The following THAP4 variants were observed in gnomAD, a reference collection of about 807,000 sequenced individuals.
The protein encoded by THAP4 is peroxynitrite isomerase THAP4.
In THAP4, 18 loss-of-function variants were observed where a neutral mutation model predicts 48.1. The observed-to-expected ratio is 0.37, with a 90% CI of 0.26 to 0.56. THAP4 has a LOEUF of 0.56. Among genes scored for constraint, THAP4 ranks in the 20% least tolerant of loss-of-function variants. The pLI, the probability that THAP4 is intolerant of heterozygous loss-of-function variation, is 0.78. For missense variants in THAP4, 656 were observed against 774.9 expected, an observed-to-expected ratio of 0.85 and a Z score of 1.82; for synonymous variants, 345 against 324.9, an observed-to-expected ratio of 1.06 and a Z score of -0.66.
chr2:241,610,253 G>A lies in THAP4; in HGVS notation c.1241-3780C>T, dbSNP rs537181041. On this transcript the variant is annotated intron_variant, in intron 2 of 5. Coordinates refer to ENST00000407315, the MANE Select transcript of THAP4 (RefSeq NM_015963.6). The surrounding 1 kb of genome is among the most constrained non-coding windows in gnomAD (Gnocchi z 4.2). ...GCAAGTCCTGCCTCTGCTCCCGGGCGGCCCCCTCCAGCCTCCGCCGGCCCC... is the reference window on the plus strand; with the variant it reads ...GCAAGTCCTGCCTCTGCTCCCGGGCAGCCCCCTCCAGCCTCCGCCGGCCCC... Among the ~76,000 whole-genome samples the A allele has an allele frequency of 2.0e-5, 3 of 152,284 alleles. No individual in the cohort carries two copies. The highest frequency in any genetic ancestry group is 1.9e-4 in the East Asian group (1 of 5,180).
At chr2:241,615,582 G>A (rs572783419) in intron 2 of THAP4, among the ~76,000 whole-genome samples, 7 of 152,280 alleles carry the variant, frequency 4.6e-5, no homozygotes, top group South Asian at 2.1e-4. Flanking sequence ...CTAATATTTC[G>A]AGAAAAGCCA....
intron 2 of THAP4, among the ~76,000 whole-genome samples, chr2:241,632,401 C>T (rs1333153019): frequency 6.6e-6 from 1 of 152,068 alleles, no homozygotes; most frequent in African/African-American, 2.4e-5. Flanking sequence ...AGTCCAGCCT[C>T]AACAGATGTT....
At chr2:241,615,555 C>T (rs1255964272) in intron 2 of THAP4, among the ~76,000 whole-genome samples, 1 of 152,198 alleles carries the variant, frequency 6.6e-6, no homozygotes, top group African/African-American at 2.4e-5. Flanking sequence ...ATCCAAGCTG[C>T]AGCACCTACT....
chr2:241,633,545 G>A lies in THAP4; in HGVS notation c.612C>T (p.Ser204=). ...TATCTGTCACGCCCCCTTCGATGGA[G>A]GAAGTGGCGCTCTCATCGCCAGCAT... The part of the protein sequence containing the change: ...ATDAGDESAT[S]SIEGGVTDKS... Residue 204 remains serine, a synonymous_variant, in exon 2 of 6, where the codon TCC becomes TCT. Coordinates refer to ENST00000407315, the MANE Select transcript of THAP4 (RefSeq NM_015963.6). This position sits in a 1 kb window ranked among gnomAD's most constrained non-coding sequence, Gnocchi z 7.5. 1.2e-6 allele frequency: 2 copies of A among 1,614,018 alleles called. No individual in the cohort carries two copies. The highest frequency in any genetic ancestry group is 8.5e-7 in the Non-Finnish European group (1 of 1,179,964).
chr2:241,630,015 G>A (rs1017824075), intron 2 of THAP4, among the ~76,000 whole-genome samples: 3 of 152,176 alleles, frequency 2.0e-5, no homozygotes, highest in Admixed American at 2.0e-4. Context: ...AAGGGACTGT[G>A]TTAGCCACAG....
chr2:241,604,516 G>A (rs992978111), intron 3 of THAP4, among the ~76,000 whole-genome samples: 1 of 151,992 alleles, frequency 6.6e-6, no homozygotes, highest in Non-Finnish European at 1.5e-5. Context: ...CTCTCAAAGT[G>A]CTGGGATTAC....
At chr2:241,605,604 G>GT (rs2067172662) in intron 3 of THAP4, among the ~76,000 whole-genome samples, 1 of 152,102 alleles carries the variant, frequency 6.6e-6, no homozygotes, top group East Asian at 1.9e-4. Context: ...TTCTTGTACG[G>GT]TAAGAATATG....
chr2:241,605,853 G>T (rs2067176422), intron 3 of THAP4, among the ~76,000 whole-genome samples: 1 of 151,916 alleles, frequency 6.6e-6, no homozygotes, highest in Non-Finnish European at 1.5e-5. Flanking sequence ...GAGTAGCTGG[G>T]ACTACAGGCA....
At chr2:241,627,514 T>G (rs942242000) in intron 2 of THAP4, among the ~76,000 whole-genome samples, 1 of 152,340 alleles carries the variant, frequency 6.6e-6, no homozygotes, top group East Asian at 1.9e-4. Flanking sequence ...CACCGGGCAC[T>G]GCCTCTGGAG....
chr2:241,601,746 G>T lies in THAP4; in HGVS notation c.1614+150C>A. 6.9e-7 allele frequency: 1 copy of T among 1,443,414 alleles called. No homozygotes were observed. Among genetic ancestry groups the T allele is most frequent in the South Asian group, 1.3e-5 (1 of 78,348 alleles). The allele number at this position is 1,443,414 out of a possible 1,614,324, so 89.4% of individuals were successfully genotyped here. ...ATTTAGGGAACATCCACCCTGGATG[G>T]TCCGAGAAGGGAAAAGAAGGAGACA... On this transcript the variant is annotated intron_variant, in intron 5 of 5. Transcript: ENST00000407315. This position sits in a 1 kb window ranked among gnomAD's most constrained non-coding sequence, Gnocchi z 4.0.
Position 241,601,792 on chromosome 2 carries a change from C to A in THAP4, c.1614+104G>T. Reference sequence around the variant, plus strand: ...AGACAGTGAAGACAGGCCTGTGAGACACAGTGGCAAGACACGCACTACCTC... The same window carrying A: ...AGACAGTGAAGACAGGCCTGTGAGAAACAGTGGCAAGACACGCACTACCTC... On this transcript the variant is annotated intron_variant, in intron 5 of 5. Transcript: ENST00000407315. The surrounding 1 kb of genome is among the most constrained non-coding windows in gnomAD (Gnocchi z 4.0). The A allele has an allele frequency of 6.4e-7, 1 of 1,553,768 alleles. No individual in the cohort carries two copies. The highest frequency in any genetic ancestry group is 8.7e-7 in the Non-Finnish European group (1 of 1,146,106).
At chr2:241,604,029 T>C (rs1417879968) in intron 3 of THAP4, among the ~76,000 whole-genome samples, 1 of 151,862 alleles carries the variant, frequency 6.6e-6, no homozygotes, top group Non-Finnish European at 1.5e-5. Flanking sequence ...AAAAGCCTCA[T>C]TTATCATTTC....
At chr2:241,602,767 C>A (rs2067130705) in intron 4 of THAP4, among the ~76,000 whole-genome samples, 1 of 152,258 alleles carries the variant, frequency 6.6e-6, no homozygotes, top group African/African-American at 2.4e-5. Context: ...TGCACGCACA[C>A]AACCTGTGTG....
At position 241,630,616 on chromosome 2, in the gene THAP4, C is replaced by T. The variant is rs1255825502; in HGVS notation, c.1240+2301G>A. 2.0e-5 allele frequency among the ~76,000 whole-genome samples: 3 copies of T among 152,076 alleles called. No homozygotes were observed. The East Asian group carries it at 5.8e-4, about 29-fold the overall frequency. ...CAACATGGAGAAACCACTGTCTCTA[C>T]TAAAAATACAAAATTAGCTGGGTGT... On this transcript the variant is annotated intron_variant, in intron 2 of 5. Coordinates refer to ENST00000407315, the MANE Select transcript of THAP4 (RefSeq NM_015963.6).
Position 241,633,076 on chromosome 2 carries a change from A to G in THAP4, c.1081T>C (p.Cys361Arg), listed in dbSNP as rs750003446. Reference protein sequence around the residue: ...SSRQNKSQVCCLREQVEKKNG... With the variant: ...SSRQNKSQVCRLREQVEKKNG... The stretch of plus-strand genomic sequence containing the variant: ...TTCTTCTCCACCTGCTCCCGCAGGC[A>G]GCACACCTGGCTCTTGTTCTGCCGG... The change falls in exon 2 of 6, where the codon TGC becomes CGC. Residue 361 changes from cysteine to arginine, a missense_variant. Coordinates refer to ENST00000407315, the MANE Select transcript of THAP4 (RefSeq NM_015963.6). This position sits in a 1 kb window ranked among gnomAD's most constrained non-coding sequence, Gnocchi z 7.5. 6.2e-7 allele frequency: 1 copy of G among 1,614,012 alleles called. No homozygotes were observed. The highest frequency in any genetic ancestry group is 8.5e-7 in the Non-Finnish European group (1 of 1,180,020).
At chr2:241,606,238 G>A in intron 3 of THAP4, 76 bp downstream of exon 3, 2 of 1,357,246 alleles carry the variant, frequency 1.5e-6, no homozygotes, top group African/African-American at 1.5e-5. Context: ...CTTTGTCTTT[G>A]ATCAGTCTGG....
At chr2:241,608,995 A>G (rs1295187341) in intron 2 of THAP4, among the ~76,000 whole-genome samples, 2 of 152,174 alleles carry the variant, frequency 1.3e-5, no homozygotes, top group African/African-American at 2.4e-5. Context: ...GGCCAGGGGA[A>G]GGAGATCCTC....
rs189945408 is a variant in THAP4, at chr2:241,606,301, G to A, written c.1400+13C>T. ...ATGAGTCAAGCAGGGTGGGGTGGAG[G>A]GAGACAACTTACGAGAAGTTCAGCA... On this transcript the variant is annotated intron_variant, in intron 3 of 5. Coordinates refer to ENST00000407315, the MANE Select transcript of THAP4 (RefSeq NM_015963.6). The A allele has an allele frequency of 7.7e-4, 1,197 of 1,545,668 alleles. 7 individuals carry two copies. The African/African-American group carries it at 0.015, about 19-fold the overall frequency.
chr2:241,596,486 G>A (rs1284372280), intron 5 of THAP4, among the ~76,000 whole-genome samples: 3 of 14,396 alleles, frequency 2.1e-4, no homozygotes, highest in East Asian at 9.6e-3. Flanking sequence ...CAGCCTGGGC[G>A]ACAAGAGTGA....
Sources: allele counts gnomAD v4.1 joint callset (sites outside exome capture counted in the v4.1 genomes callset), GRCh38; gene constraint gnomAD v4.1.1; non-coding constraint Gnocchi (gnomAD v3.1); transcripts MANE v1.5; gene names NCBI Gene and HGNC (gene_info 2026-07-23, HGNC 2026-07-21).